ACER3: variants seen among roughly 807,000 people sequenced by gnomAD.
ACER3 encodes alkCDase 3.
ACER3 carries 16 observed loss-of-function variants against 48.9 expected under a neutral mutation model. The observed-to-expected ratio is 0.33, with a 90% CI of 0.22 to 0.50. The LOEUF (loss-of-function observed/expected upper bound fraction) is 0.50, where lower values mean the gene tolerates loss of function less well. Among genes scored for constraint, ACER3 ranks in the 20% least tolerant of loss-of-function variants. The pLI is 0.98. For synonymous variants in ACER3, 109 were observed against 107.8 expected (o/e 1.01, Z -0.07); for missense variants, 227 against 326.0 (o/e 0.70, Z 2.34).
intron 1 of ACER3, among the ~76,000 whole-genome samples, chr11:76,861,507 C>G (rs1242270082): frequency 1.3e-5 from 2 of 152,102 alleles, no homozygotes; most frequent in African/African-American, 4.8e-5. Context: ...GGGTACAGTT[C>G]CTAGCTTCGT....
At chr11:76,896,577 G>A (rs184730539) in intron 1 of ACER3, among the ~76,000 whole-genome samples, 8 of 152,120 alleles carry the variant, frequency 5.3e-5, no homozygotes, top group African/African-American at 1.9e-4. Context: ...TGAAACAGAA[G>A]TATATTATGG....
intron 1 of ACER3, among the ~76,000 whole-genome samples, chr11:76,899,776 G>A (rs1946033409): frequency 6.6e-6 from 1 of 152,052 alleles, no homozygotes; most frequent in African/African-American, 2.4e-5. Flanking sequence ...GATTCCCTAG[G>A]CACACCATGT....
At chr11:76,861,193 C>T in intron 1 of ACER3, 114 bp downstream of exon 1, 1 of 1,097,972 alleles carries the variant, frequency 9.1e-7, no homozygotes, top group Non-Finnish European at 1.3e-6. Context: ...AGGCCTGGCC[C>T]CGGGAGCTGG....
intron 7 of ACER3, among the ~76,000 whole-genome samples, chr11:77,010,243 G>C (rs1477035193): frequency 4.0e-5 from 6 of 151,564 alleles, no homozygotes; most frequent in African/African-American, 1.5e-4. Flanking sequence ...AACTACTCGA[G>C]AGGCTGAGGT....
At chr11:76,948,209 CTCTGTGTGTGTGTGTGTG>C (rs1947526125) in intron 2 of ACER3, among the ~76,000 whole-genome samples, 1 of 121,522 alleles carries the variant, frequency 8.2e-6, no homozygotes, top group Non-Finnish European at 1.7e-5. Flanking sequence ...TTCTGGCTCA[CTCTGTGTGTGTGTGTGTG>C]TGTGTGTGTG....
intron 2 of ACER3, among the ~76,000 whole-genome samples, 192 bp downstream of exon 2, chr11:76,926,859 A>G (rs966476039): frequency 6.6e-6 from 1 of 152,232 alleles, no homozygotes; most frequent in Non-Finnish European, 1.5e-5. Context: ...TAGAAATTAC[A>G]AAATATTTTA....
intron 1 of ACER3, among the ~76,000 whole-genome samples, chr11:76,899,980 A>G (rs1165615062): frequency 6.6e-6 from 1 of 152,238 alleles, no homozygotes; most frequent in Non-Finnish European, 1.5e-5. Flanking sequence ...TTGTGCATGT[A>G]TTATATACTA....
At position 76,964,901 on chromosome 11, in the gene ACER3, G is replaced by A. The variant is rs192812017; in HGVS notation, c.267+5870G>A. Among the ~76,000 whole-genome samples the A allele has an allele frequency of 3.9e-3, 584 of 151,368 alleles. 7 individuals carry two copies. The highest frequency in any genetic ancestry group is 0.01 in the Middle Eastern group (3 of 294). On this transcript the variant is annotated intron_variant, in intron 3 of 10. Transcript: ENST00000532485. ...AAAACTGGAAACTAAAAATCAGAGC[G>A]CCTGTCCTCCTCCAAAGGAATGCAG... is the stretch of plus-strand genomic sequence containing the variant.
At chr11:76,897,790 T>C (rs146319229) in intron 1 of ACER3, among the ~76,000 whole-genome samples, 27 of 152,330 alleles carry the variant, frequency 1.8e-4, no homozygotes, top group African/African-American at 5.1e-4. Context: ...AATCATAGTT[T>C]ACTTGTCAGT....
intron 1 of ACER3, among the ~76,000 whole-genome samples, chr11:76,914,601 G>C (rs1421186224): frequency 2.0e-5 from 3 of 152,276 alleles, no homozygotes; most frequent in East Asian, 1.9e-4. Flanking sequence ...ATTGGTGGGA[G>C]TGTAAACTAG....
intron 7 of ACER3, among the ~76,000 whole-genome samples, chr11:77,002,535 G>A (rs887996548): frequency 6.6e-6 from 1 of 152,064 alleles, no homozygotes; most frequent in Non-Finnish European, 1.5e-5. Flanking sequence ...TGTATTCATG[G>A]AGGATATTGG....
chr11:76,912,015 T>C (rs1359476595), intron 1 of ACER3, among the ~76,000 whole-genome samples: 1 of 152,184 alleles, frequency 6.6e-6, no homozygotes, highest in Non-Finnish European at 1.5e-5. Flanking sequence ...CAAATAAATA[T>C]TTTTAAGAAT....
chr11:77,012,416 CA>C (rs35917677), intron 7 of ACER3, among the ~76,000 whole-genome samples: 780 of 21,382 alleles, frequency 0.036, 1 homozygote, highest in African/African-American at 0.096. Context: ...GACTCCATCT[CA>C]AAAAAAAAAA....
At chr11:76,973,563 A>G (rs2135138086) in intron 3 of ACER3, among the ~76,000 whole-genome samples, 1 of 152,268 alleles carries the variant, frequency 6.6e-6, no homozygotes, top group Admixed American at 6.5e-5. Flanking sequence ...TGCCCAGCTC[A>G]GGGTTGGGTG....
chr11:77,020,227 G>A (rs782096361), intron 10 of ACER3, 47 bp from the exon 11 acceptor site: 1 of 1,588,414 alleles, frequency 6.3e-7, no homozygotes, highest in South Asian at 1.1e-5. Context: ...GGATAACATG[G>A]AACAATTCTG....
intron 2 of ACER3, among the ~76,000 whole-genome samples, chr11:76,932,521 A>G (rs971067113): frequency 6.6e-6 from 1 of 152,182 alleles, no homozygotes; most frequent in African/African-American, 2.4e-5. Context: ...GGGTGTTTTC[A>G]TAATGTTTAT....
chr11:76,931,981 C>G (rs1351037517), intron 2 of ACER3, among the ~76,000 whole-genome samples: 2 of 144,532 alleles, frequency 1.4e-5, no homozygotes, highest in Non-Finnish European at 3.0e-5. Flanking sequence ...CAGAGTCGCA[C>G]TCTGTCACCC....
chr11:77,016,847 A>G, intron 9 of ACER3, 68 bp downstream of exon 9: 1 of 761,476 alleles, frequency 1.3e-6, no homozygotes, highest in Non-Finnish European at 2.1e-6. Flanking sequence ...TACTCTTTAA[A>G]TAGGATGTAA....
At chr11:77,011,348 T>C in intron 7 of ACER3, 1 of 985,558 alleles carries the variant, frequency 1.0e-6, no homozygotes, top group African/African-American at 1.7e-5. Flanking sequence ...TGCTTTGAAC[T>C]GCCCCTGAGA....
Sources: gnomAD v4.1 joint callset for allele counts (sites outside exome capture counted in the v4.1 genomes callset) on GRCh38, gnomAD v4.1.1 for gene constraint, MANE v1.5 for transcripts, NCBI Gene and HGNC (gene_info 2026-07-23, HGNC 2026-07-21) for gene names.